The following CSGALNACT1 variants were observed in gnomAD, a reference collection of about 807,000 sequenced individuals.
CSGALNACT1 encodes chondroitin sulfate N-acetylgalactosaminyltransferase 1, also known as beta4GalNAcT-1.
CSGALNACT1 carries 52 observed loss-of-function variants against 51.0 expected under a neutral mutation model. The ratio of observed to expected loss-of-function variants is 1.02; its 90% CI spans 0.82 to 1.29. The LOEUF (loss-of-function observed/expected upper bound fraction) is 1.29. Among genes scored for constraint, CSGALNACT1 ranks in the 50% most tolerant of loss-of-function variants. The pLI, the probability that CSGALNACT1 is intolerant of heterozygous loss-of-function variation, is 0.00. For synonymous variants in CSGALNACT1, 341 were observed against 254.4 expected, an observed-to-expected ratio of 1.34 and a Z score of -3.24; for missense variants, 935 against 679.2, an observed-to-expected ratio of 1.38 and a Z score of -4.19.
chr8:19,647,363 GT>G (rs1230550196), intron 1 of CSGALNACT1, among the ~76,000 whole-genome samples: 1 of 152,204 alleles, frequency 6.6e-6, no homozygotes, highest in African/African-American at 2.4e-5. Context: ...GATGTATTGA[GT>G]TGGAATCATG....
intron 3 of CSGALNACT1, among the ~76,000 whole-genome samples, chr8:19,524,326 C>T (rs566489551): frequency 1.3e-5 from 2 of 152,208 alleles, no homozygotes; most frequent in Non-Finnish European, 2.9e-5. Flanking sequence ...ATTTTCCATT[C>T]CCACCATCCC....
upstream of CSGALNACT1, among the ~76,000 whole-genome samples, chr8:19,684,989 T>G (rs1053719035): frequency 6.6e-6 from 1 of 152,212 alleles, no homozygotes; most frequent in Non-Finnish European, 1.5e-5. Flanking sequence ...CTCACAGATT[T>G]TGCCCTCAAT....
chr8:19,514,475 C>CTATATATATATATATATA lies in CSGALNACT1; in HGVS notation c.-296-8363_-296-8346dup, dbSNP rs33928915. On this transcript the variant is annotated intron_variant, in intron 3 of 9. Coordinates refer to ENST00000454498, the Ensembl canonical transcript of CSGALNACT1. ...GCATCATATGACTTTTGAACAGAGA[C>CTATATATATATATATATA]TATATATATATATATATATATATAT... Among the ~76,000 whole-genome samples the CTATATATATATATATATA allele has an allele frequency of 5.3e-3, 413 of 78,578 alleles. 19 individuals are homozygous for CTATATATATATATATATA. Among genetic ancestry groups the CTATATATATATATATATA allele is most frequent in the African/African-American group, 8.0e-3 (134 of 16,682 alleles). 51.6% of individuals were successfully genotyped at this position (78,578 alleles called of 152,430 possible).
chr8:19,467,724 C>A (rs2067047953), intron 4 of CSGALNACT1, among the ~76,000 whole-genome samples: 1 of 152,024 alleles, frequency 6.6e-6, no homozygotes, highest in Non-Finnish European at 1.5e-5. Flanking sequence ...GTGGCTCATG[C>A]CTGCAATCCC....
rs796856217 is a variant in CSGALNACT1, at chr8:19,461,621, G to A, written c.635-2979C>T. Reference sequence around the variant, plus strand: ...CGCACAGCGGCCACATTCACCATGGGGGGCGTATCCGCACAGCGGCCACAT... The same window carrying A: ...CGCACAGCGGCCACATTCACCATGGAGGGCGTATCCGCACAGCGGCCACAT... On this transcript the variant is annotated intron_variant, in intron 4 of 9. Coordinates refer to ENST00000454498, the Ensembl canonical transcript of CSGALNACT1. 3.5e-3 allele frequency among the ~76,000 whole-genome samples: 70 copies of A among 20,214 alleles called. 1 individual carries two copies. Among genetic ancestry groups the A allele is most frequent in the African/African-American group, 5.4e-3 (36 of 6,622 alleles). 13.3% of individuals were successfully genotyped at this position (20,214 alleles called of 152,430 possible).
chr8:19,638,825 A>G (rs1350328397), intron 1 of CSGALNACT1, among the ~76,000 whole-genome samples: 2 of 152,104 alleles, frequency 1.3e-5, no homozygotes, highest in East Asian at 1.9e-4. Flanking sequence ...TGTAAATTCA[A>G]TAGATGATCA....
At chr8:19,583,177 T>A (rs563001863) in intron 3 of CSGALNACT1, among the ~76,000 whole-genome samples, 36 of 151,836 alleles carry the variant, frequency 2.4e-4, no homozygotes, top group South Asian at 4.2e-4. Flanking sequence ...TACCTTTTTT[T>A]AAAAAAAAAT....
chr8:19,628,260 T>C (rs1036913976), intron 1 of CSGALNACT1, among the ~76,000 whole-genome samples: 6 of 152,152 alleles, frequency 3.9e-5, no homozygotes, highest in African/African-American at 1.2e-4. Flanking sequence ...CTCAGGAAAC[T>C]TGTAATCATG....
chr8:19,705,292 C>G (rs2062094755), intron 1 of CSGALNACT1, among the ~76,000 whole-genome samples: 1 of 152,122 alleles, frequency 6.6e-6, no homozygotes, highest in South Asian at 2.1e-4. Flanking sequence ...TATGCAAAGA[C>G]TTACATCAAG....
intron 6 of CSGALNACT1, among the ~76,000 whole-genome samples, chr8:19,429,019 A>G (rs1210848275): frequency 6.6e-6 from 1 of 152,116 alleles, no homozygotes; most frequent in East Asian, 1.9e-4. Flanking sequence ...AAATGTTTTC[A>G]TCACCCCAAA....
At chr8:19,524,759 T>C (rs2081348148) in intron 3 of CSGALNACT1, among the ~76,000 whole-genome samples, 3 of 152,176 alleles carry the variant, frequency 2.0e-5, no homozygotes, top group African/African-American at 7.2e-5. Context: ...GGACCATTGA[T>C]TGCCTAAGCC....
chr8:19,734,344 C>G (rs2063850009), intron 1 of CSGALNACT1, among the ~76,000 whole-genome samples: 4 of 152,342 alleles, frequency 2.6e-5, no homozygotes, highest in African/African-American at 9.6e-5. Flanking sequence ...CCAATCACAG[C>G]AGCCAAGCTT....
intron 3 of CSGALNACT1, among the ~76,000 whole-genome samples, chr8:19,581,901 C>A (rs1470157161): frequency 6.6e-6 from 1 of 152,132 alleles, no homozygotes; most frequent in African/African-American, 2.4e-5. Flanking sequence ...AAAGGATTAA[C>A]AAATTTATTC....
intron 3 of CSGALNACT1, among the ~76,000 whole-genome samples, chr8:19,525,483 G>A (rs774538914): frequency 6.6e-6 from 1 of 151,500 alleles, no homozygotes; most frequent in Non-Finnish European, 1.5e-5. Context: ...TGGGCCTGGT[G>A]GTGCATGTCT....
intron 1 of CSGALNACT1, among the ~76,000 whole-genome samples, chr8:19,630,216 GTGTGTGTGTGTGTGTGTGTGTGTGTGTA>G (rs2055043338): frequency 7.0e-6 from 1 of 143,876 alleles, no homozygotes; most frequent in African/African-American, 2.7e-5. Flanking sequence ...GTGTGTGTGT[GTGTGTGTGTGTGTGTGTGTGTGTGTGTA>G]TGTGTGTGTG....
chr8:19,457,340 C>T (rs890926719), intron 5 of CSGALNACT1, among the ~76,000 whole-genome samples: 2 of 152,172 alleles, frequency 1.3e-5, no homozygotes, highest in Admixed American at 6.5e-5. Flanking sequence ...AGGCTGGGCA[C>T]GGTGGCTCAC....
At chr8:19,511,883 A>C (rs1291001911) in intron 3 of CSGALNACT1, among the ~76,000 whole-genome samples, 1 of 152,252 alleles carries the variant, frequency 6.6e-6, no homozygotes, top group Non-Finnish European at 1.5e-5. Flanking sequence ...ATGGCAGCAG[A>C]AGAGACAGAA....
intron 1 of CSGALNACT1, among the ~76,000 whole-genome samples, chr8:19,698,353 A>G (rs1049594024): frequency 6.6e-6 from 1 of 152,234 alleles, no homozygotes; most frequent in African/African-American, 2.4e-5. Flanking sequence ...GAGAATATTA[A>G]CTATGAATAC....
intron 1 of CSGALNACT1, among the ~76,000 whole-genome samples, chr8:19,616,556 G>T (rs563765305): frequency 6.6e-6 from 1 of 152,290 alleles, no homozygotes; most frequent in South Asian, 2.1e-4. Flanking sequence ...CAATGTTGGA[G>T]GTGGGGCCTC....
Sources: allele counts gnomAD v4.1 joint callset (sites outside exome capture counted in the v4.1 genomes callset), GRCh38; gene constraint gnomAD v4.1.1; transcripts MANE v1.5; gene names NCBI Gene and HGNC (gene_info 2026-07-23, HGNC 2026-07-21).